CLTRN: variants seen among roughly 807,000 people sequenced by gnomAD.
CLTRN encodes collectrin.
CLTRN carries 12 observed loss-of-function variants against 14.5 expected under a neutral mutation model. The ratio of observed to expected loss-of-function variants is 0.83; its 90% CI spans 0.53 to 1.34. The LOEUF (loss-of-function observed/expected upper bound fraction) is 1.34. Among genes scored for constraint, CLTRN ranks in the 40% most tolerant of loss-of-function variants. The pLI is 0.00. For missense variants in CLTRN, 154 were observed against 165.1 expected (o/e 0.93, Z 0.37); for synonymous variants, 58 against 56.5 (o/e 1.03, Z -0.12).
chrX:15,636,651 T>G (rs940074129), intron 5 of CLTRN, among the ~76,000 whole-genome samples: 6 of 111,712 alleles, frequency 5.4e-5, no homozygotes, highest in Non-Finnish European at 1.1e-4. Flanking sequence ...TACAGTATGA[T>G]GGAAAATACC....
chrX:15,641,365 G>A (rs910645151), intron 4 of CLTRN, among the ~76,000 whole-genome samples: 1 of 111,853 alleles, frequency 8.9e-6, no homozygotes. Flanking sequence ...TATAATGTGA[G>A]CTTCGTGTGA....
intron 3 of CLTRN, chrX:15,646,856 G>A (rs1929091323): frequency 3.3e-6 from 1 of 306,764 alleles, no homozygotes; most frequent in Non-Finnish European, 6.4e-6. Context: ...GAGCGCAGAG[G>A]GAGCCCGATG....
intron 1 of CLTRN, 98 bp from the exon 2 acceptor site, chrX:15,664,493 GGAACAAA>G: frequency 1.3e-6 from 1 of 761,936 alleles, no homozygotes; most frequent in Non-Finnish European, 1.9e-6. Context: ...TCAAACTAAT[GGAACAAA>G]GAACTACAAT....
intron 3 of CLTRN, among the ~76,000 whole-genome samples, chrX:15,653,135 C>T (rs759629575): frequency 5.4e-5 from 6 of 110,803 alleles, no homozygotes; most frequent in Non-Finnish European, 1.1e-4. Context: ...AAATTTTTTT[C>T]TTGAAGTACT....
At chrX:15,643,054 T>C (rs763596880) in intron 4 of CLTRN, among the ~76,000 whole-genome samples, 2 of 111,653 alleles carry the variant, frequency 1.8e-5, no homozygotes, top group Non-Finnish European at 1.9e-5. Context: ...GCTATTATCA[T>C]GCTACTGTAC....
chrX:15,666,245 A>T (rs1182312941), upstream of CLTRN, among the ~76,000 whole-genome samples: 3 of 112,135 alleles, frequency 2.7e-5, no homozygotes, highest in Non-Finnish European at 1.9e-5. Context: ...TAAAAGTTTT[A>T]AAAAACCCTG....
chrX:15,629,520 A>G (rs1031346417), intron 5 of CLTRN, among the ~76,000 whole-genome samples: 2 of 111,721 alleles, frequency 1.8e-5, no homozygotes, highest in Non-Finnish European at 3.8e-5. Context: ...TTATTGAGGT[A>G]TAATTGACAA....
chrX:15,652,352 G>T (rs941458634), intron 3 of CLTRN, among the ~76,000 whole-genome samples: 3 of 110,982 alleles, frequency 2.7e-5, no homozygotes, highest in African/African-American at 9.8e-5. Context: ...TGAGTCCAAT[G>T]GAATTATTTT....
At chrX:15,648,190 T>C (rs1260717753) in intron 3 of CLTRN, among the ~76,000 whole-genome samples, 6 of 110,553 alleles carry the variant, frequency 5.4e-5, no homozygotes, top group African/African-American at 2.0e-4. Flanking sequence ...AGCAGAGAAT[T>C]GGAACAACCC....
At chrX:15,670,351 A>ACACAC (rs751102467) in intron 1 of CLTRN, among the ~76,000 whole-genome samples, 1 of 107,545 alleles carries the variant, frequency 9.3e-6, no homozygotes, top group Non-Finnish European at 1.9e-5. Context: ...ACACACACAC[A>ACACAC]AACCCCTTTG....
rs764397074 is a variant in CLTRN, at chrX:15,628,096, C to T, written c.544G>A (p.Ala182Thr). The change falls in exon 6 of 6, where the codon GCT becomes ACT. Residue 182 changes from alanine (A) to threonine (T), a missense_variant. Coordinates refer to ENST00000380342, the MANE Select transcript of CLTRN (RefSeq NM_020665.6). The stretch of plus-strand genomic sequence containing the variant: ...ATCATGTTTTCACACTTATCTTCAG[C>T]GTCATCCACTTCAGATGGTTCTTTG... ...KNKEPSEVDD[A>T]EDKCENMITI... is the part of the protein sequence containing the mutation. The T allele has an allele frequency of 3.5e-6, 4 of 1,130,329 alleles. No homozygotes were observed. The highest frequency in any genetic ancestry group is 1.8e-5 in the African/African-American group (1 of 55,033). 93.2% of individuals were successfully genotyped at this position (1,130,329 alleles called of 1,213,427 possible).
chrX:15,636,509 T>C (rs1928822123), intron 5 of CLTRN, among the ~76,000 whole-genome samples: 2 of 112,215 alleles, frequency 1.8e-5, no homozygotes, highest in East Asian at 2.8e-4. Context: ...TTTCATAATA[T>C]ATACATATAT....
intron 1 of CLTRN, among the ~76,000 whole-genome samples, chrX:15,673,992 T>G (rs1351162139): frequency 8.9e-6 from 1 of 112,462 alleles, no homozygotes; most frequent in African/African-American, 3.2e-5. Flanking sequence ...ATCAACTCCT[T>G]TATTACACCA....
intron 3 of CLTRN, among the ~76,000 whole-genome samples, chrX:15,647,414 TTAATAA>T (rs1316431952): frequency 1.8e-5 from 2 of 112,733 alleles, no homozygotes; most frequent in East Asian, 2.7e-4. Flanking sequence ...ATATTTGTTG[TTAATAA>T]TAATAGGTGT....
chrX:15,651,690 A>T (rs1929220257), intron 3 of CLTRN, among the ~76,000 whole-genome samples: 1 of 111,475 alleles, frequency 9.0e-6, no homozygotes, highest in Non-Finnish European at 1.9e-5. Flanking sequence ...ATGAGTCCCA[A>T]GTCTGTCCTG....
rs749760305 is a variant in CLTRN at position 15,641,269 on chromosome X, C to T, written c.318-1513G>A. On this transcript the variant is annotated intron_variant, in intron 4 of 5. Coordinates refer to ENST00000380342, the MANE Select transcript of CLTRN (RefSeq NM_020665.6). ...AATTTCTAACTGTAAACTGGAGAGTCCTTGGAGATATTTTATGACCTTTAC... is the reference window on the plus strand; with the variant it reads ...AATTTCTAACTGTAAACTGGAGAGTTCTTGGAGATATTTTATGACCTTTAC... 2.7e-5 allele frequency among the ~76,000 whole-genome samples: 3 copies of T among 111,402 alleles called. No individual in the cohort carries two copies. In the East Asian group the frequency reaches 8.5e-4, roughly 31 times the overall value.
At chrX:15,653,764 T>C (rs1929282841) in intron 3 of CLTRN, among the ~76,000 whole-genome samples, 1 of 112,020 alleles carries the variant, frequency 8.9e-6, no homozygotes, top group African/African-American at 3.3e-5. Flanking sequence ...CTGGCAATAA[T>C]GCAGAGTCCG....
At chrX:15,655,511 C>T (rs1057061042) in intron 3 of CLTRN, among the ~76,000 whole-genome samples, 4 of 112,347 alleles carry the variant, frequency 3.6e-5, no homozygotes, top group African/African-American at 1.3e-4. Context: ...TGCTCTGTCT[C>T]ACTTAGGGAC....
intron 5 of CLTRN, among the ~76,000 whole-genome samples, chrX:15,632,996 G>A (rs1024109169): frequency 5.4e-5 from 6 of 110,743 alleles, no homozygotes; most frequent in Admixed American, 9.6e-5. Flanking sequence ...ATCAATTATC[G>A]GGGAATTGAG....
Sources: gnomAD v4.1 joint callset for allele counts (sites outside exome capture counted in the v4.1 genomes callset) on GRCh38, gnomAD v4.1.1 for gene constraint, MANE v1.5 for transcripts, NCBI Gene and HGNC (gene_info 2026-07-23, HGNC 2026-07-21) for gene names.